The following MMP26 variants were observed in gnomAD, a reference collection of about 807,000 sequenced individuals.
MMP26 encodes matrix metallopeptidase 26.
A neutral mutation model predicts 31.0 loss-of-function variants in MMP26; 33 were observed. The ratio of observed to expected loss-of-function variants is 1.06; its 90% confidence interval spans 0.81 to 1.42. The LOEUF (loss-of-function observed/expected upper bound fraction) is 1.42, where lower values mean the gene tolerates loss of function less well. Ranked by LOEUF, MMP26 falls within the 40% of genes most tolerant of loss-of-function variation. The pLI is 0.00. For synonymous variants in MMP26, 122 were observed against 114.9 expected (o/e 1.06, Z -0.40); for missense variants, 347 against 316.1 (o/e 1.10, Z -0.74).
chr11:4,795,645 T>C (rs185829705), intron 2 of MMP26, among the ~76,000 whole-genome samples: 1 of 152,314 alleles, frequency 6.6e-6, no homozygotes, highest in Admixed American at 6.5e-5. Flanking sequence ...AAATGCTACA[T>C]TAAACATTAA....
intron 2 of MMP26, among the ~76,000 whole-genome samples, chr11:4,903,407 T>A (rs957908498): frequency 3.3e-5 from 5 of 152,162 alleles, no homozygotes; most frequent in Non-Finnish European, 7.4e-5. Context: ...ATCTCCATTT[T>A]GTGGATGATT....
intron 1 of MMP26, among the ~76,000 whole-genome samples, chr11:4,714,920 T>TCACACACACACACACACA (rs66913726): frequency 1.4e-5 from 2 of 141,696 alleles, no homozygotes; most frequent in Admixed American, 1.4e-4. Flanking sequence ...TCTCTCTCTC[T>TCACACACACACACACACA]CACACACACA....
At chr11:4,910,899 A>C (rs1438914090) in intron 2 of MMP26, among the ~76,000 whole-genome samples, 1 of 152,180 alleles carries the variant, frequency 6.6e-6, no homozygotes, top group South Asian at 2.1e-4. Context: ...GAGTCCTAAA[A>C]TTATAATATG....
intron 2 of MMP26, among the ~76,000 whole-genome samples, chr11:4,829,998 A>T (rs1480725322): frequency 6.6e-6 from 1 of 152,228 alleles, no homozygotes; most frequent in Admixed American, 6.5e-5. Context: ...CTCACTTAAG[A>T]GAGCTCATTA....
intron 2 of MMP26, among the ~76,000 whole-genome samples, chr11:4,789,530 C>CT (rs71050429): frequency 0.35 from 22,720 of 65,560 alleles, 8,757 homozygotes; most frequent in East Asian, 0.57. Context: ...TATCCCCCCA[C>CT]TTTTTTTTTT....
chr11:4,810,078 G>A (rs1260884620), intron 2 of MMP26, among the ~76,000 whole-genome samples: 1 of 152,156 alleles, frequency 6.6e-6, no homozygotes, highest in East Asian at 1.9e-4. Context: ...ATGCACACTG[G>A]CTTCCTTCTG....
intron 2 of MMP26, chr11:4,877,993 C>T (rs1850407705): frequency 6.6e-6 from 1 of 152,140 alleles, no homozygotes; most frequent in Non-Finnish European, 1.5e-5. Flanking sequence ...TTTATCACTT[C>T]CCCAAATTTC....
rs200429695 is a variant in MMP26 at position 4,991,919 on chromosome 11, C to A, written c.596-45C>A. The A allele has an allele frequency of 1.3e-4, 189 of 1,481,370 alleles. 2 individuals are homozygous for A. In the African/African-American group the frequency reaches 2.4e-3, roughly 19 times the overall value. The allele number at this position is 1,481,370 out of a possible 1,614,324, so 91.8% of individuals were successfully genotyped here. A position where few individuals can be genotyped will look rare whatever the true frequency, so the allele number is the denominator to read the frequency against. On this transcript the variant is annotated intron_variant, in intron 6 of 7. Transcript: ENST00000380390. The stretch of plus-strand genomic sequence containing the variant: ...CTATTTCACACACTTTCAGCATTCC[C>A]TATGCATAGTTAATTTTATCTTTTT...
intron 2 of MMP26, among the ~76,000 whole-genome samples, chr11:4,947,387 A>AT (rs1846328939): frequency 3.2e-5 from 4 of 124,930 alleles, no homozygotes; most frequent in African/African-American, 1.1e-4. Context: ...ATCTGATTTC[A>AT]TTTTTTCCTG....
chr11:4,728,994 T>C (rs1848138452), intron 1 of MMP26, among the ~76,000 whole-genome samples: 1 of 151,778 alleles, frequency 6.6e-6, no homozygotes, highest in South Asian at 2.1e-4. Flanking sequence ...AACTTGTGTG[T>C]AGTATTTTAT....
In MMP26 at chr11:4,948,149, C is replaced by T. The variant is rs1388420539; in HGVS notation, c.-144-39919C>T. On this transcript the variant is annotated intron_variant, in intron 2 of 7. Transcript: ENST00000380390. ...GTTTTTCTCCCTTACCAAATCTTCC[C>T]TGTTTAAGGGACCTACTTCGGTAAT... Among the ~76,000 whole-genome samples the T allele has an allele frequency of 3.2e-5, 4 of 124,646 alleles. 2 individuals are homozygous for T. The highest frequency in any genetic ancestry group is 3.6e-5 in the Non-Finnish European group (2 of 54,950). The allele number at this position is 124,646 out of a possible 152,430, so 81.8% of individuals were successfully genotyped here.
At chr11:4,991,867 T>G in intron 6 of MMP26, 97 bp from the exon 7 acceptor site, 2 of 1,180,042 alleles carry the variant, frequency 1.7e-6, no homozygotes, top group Non-Finnish European at 2.3e-6. Context: ...CCTTTCCTCG[T>G]TTTCTGTTCT....
At chr11:4,831,041 G>A (rs17250052) in intron 2 of MMP26, among the ~76,000 whole-genome samples, 9,329 of 152,172 alleles carry the variant, frequency 0.061, 392 homozygotes, top group Middle Eastern at 0.13. Flanking sequence ...CTCCTAACTC[G>A]GGTCAATATG....
In MMP26 at chr11:4,821,933, G is replaced by T. The variant is rs139517930; in HGVS notation, c.-145+54592G>T. The T allele has an allele frequency of 3.4e-5, 55 of 1,613,864 alleles. 1 individual carries two copies. In the African/African-American group the frequency reaches 6.8e-4, roughly 20 times the overall value. ...CTCTTTGTCAAGAGGTTGTCCTTCTGCAGTTCTATGGTCCTTTCACATTCT... is the reference window on the plus strand; with the variant it reads ...CTCTTTGTCAAGAGGTTGTCCTTCTTCAGTTCTATGGTCCTTTCACATTCT... On this transcript the variant is annotated intron_variant, in intron 2 of 7. Transcript: ENST00000380390.
intron 2 of MMP26, among the ~76,000 whole-genome samples, chr11:4,865,935 A>G (rs879690371): frequency 3.3e-5 from 5 of 152,130 alleles, no homozygotes; most frequent in Non-Finnish European, 7.4e-5. Context: ...AATTATTCAA[A>G]CATGTGAGAG....
intron 2 of MMP26, among the ~76,000 whole-genome samples, chr11:4,810,623 G>A (rs960455560): frequency 6.6e-6 from 1 of 152,216 alleles, no homozygotes; most frequent in Non-Finnish European, 1.5e-5. Flanking sequence ...ATCGATTAGA[G>A]TATCAGTGTT....
At chr11:4,761,654 T>G (rs1304219695) in intron 1 of MMP26, among the ~76,000 whole-genome samples, 1 of 152,198 alleles carries the variant, frequency 6.6e-6, no homozygotes, top group African/African-American at 2.4e-5. Context: ...TTGAATCATT[T>G]CTTTAGAGAT....
chr11:4,958,654 G>C (rs192433189), intron 2 of MMP26, among the ~76,000 whole-genome samples: 42 of 151,838 alleles, frequency 2.8e-4, no homozygotes, highest in Admixed American at 8.5e-4. Context: ...TCTTTCTCCT[G>C]TATCTTTTCT....
intron 1 of MMP26, among the ~76,000 whole-genome samples, chr11:4,731,717 C>A (rs1167973487): frequency 6.6e-6 from 1 of 152,172 alleles, no homozygotes; most frequent in Non-Finnish European, 1.5e-5. Context: ...TGTGTGCATG[C>A]ACATGTGTGG....
Sources: gnomAD v4.1 joint callset for allele counts (sites outside exome capture counted in the v4.1 genomes callset) on GRCh38, gnomAD v4.1.1 for gene constraint, MANE v1.5 for transcripts, NCBI Gene and HGNC (gene_info 2026-07-23, HGNC 2026-07-21) for gene names.